Variants in BMP2K observed in about 807,000 individuals in gnomAD.
The protein encoded by BMP2K is BMP2 inducible kinase.
Under a neutral mutation model 116.0 loss-of-function variants are expected in BMP2K, and 74 were observed. The observed-to-expected ratio is 0.64, with a 90% confidence interval of 0.53 to 0.77. The LOEUF is 0.77. BMP2K is among the 30% of genes least tolerant of loss of function. BMP2K has a pLI of 0.00. For synonymous variants in BMP2K, 486 were observed against 502.5 expected (o/e 0.97, Z 0.44); for missense variants, 1,365 against 1,403.6 (o/e 0.97, Z 0.44).
intron 2 of BMP2K, among the ~76,000 whole-genome samples, chr4:78,829,786 T>TC (rs879592075): frequency 0.04 from 4,479 of 111,792 alleles, 88 homozygotes; most frequent in African/African-American, 0.055. Flanking sequence ...TTTTCTTTTC[T>TC]TTTCTCTTCT....
At chr4:78,849,133 T>C (rs949096236) in intron 6 of BMP2K, among the ~76,000 whole-genome samples, 1 of 151,376 alleles carries the variant, frequency 6.6e-6, no homozygotes, top group African/African-American at 2.4e-5. Flanking sequence ...GTTTCTGTTT[T>C]AGGTTATTAT....
chr4:78,826,252 A>G (rs1729868860), intron 2 of BMP2K, 97 bp downstream of exon 2: 1 of 910,136 alleles, frequency 1.1e-6, no homozygotes, highest in Non-Finnish European at 1.7e-6. Flanking sequence ...CCCAGGCTGG[A>G]GCGCAGTGGC....
intron 14 of BMP2K, 80 bp downstream of exon 14, chr4:78,878,971 G>C: frequency 1.3e-6 from 2 of 1,540,354 alleles, no homozygotes; most frequent in African/African-American, 1.4e-5. Context: ...AAAGACTTTT[G>C]AGAATGTGTA....
intron 1 of BMP2K, among the ~76,000 whole-genome samples, chr4:78,807,781 C>T (rs773222351): frequency 6.6e-6 from 1 of 151,946 alleles, no homozygotes; most frequent in African/African-American, 2.4e-5. Flanking sequence ...CCTTTTATAT[C>T]TAATTTGTTG....
intron 13 of BMP2K, among the ~76,000 whole-genome samples, chr4:78,876,192 G>T (rs1732621861): frequency 6.6e-6 from 1 of 152,064 alleles, no homozygotes; most frequent in East Asian, 1.9e-4. Flanking sequence ...AGTTCTAAAA[G>T]GAATGATTGA....
At chr4:78,825,860 A>C (rs1729843045) in intron 1 of BMP2K, among the ~76,000 whole-genome samples, 177 bp from the exon 2 acceptor site, 1 of 152,250 alleles carries the variant, frequency 6.6e-6, no homozygotes, top group Non-Finnish European at 1.5e-5. Context: ...GTACTACTTC[A>C]TGATTGACTT....
intron 7 of BMP2K, among the ~76,000 whole-genome samples, chr4:78,857,124 T>C (rs28719734): frequency 0.17 from 26,202 of 152,104 alleles, 4,606 homozygotes; most frequent in African/African-American, 0.45. Context: ...AATACACACA[T>C]GTAAACTGAA....
chr4:78,836,407 ACT>A (rs1176136258), intron 3 of BMP2K, among the ~76,000 whole-genome samples: 1 of 151,236 alleles, frequency 6.6e-6, no homozygotes, highest in African/African-American at 2.4e-5. Flanking sequence ...ACAGAGCGAG[ACT>A]CTGTCTCAAA....
At position 78,861,429 on chromosome 4, in the gene BMP2K, C is replaced by T. The variant is rs1477053836; in HGVS notation, c.1028C>T (p.Ala343Val). 6.2e-7 allele frequency: 1 copy of T among 1,608,378 alleles called. No individual in the cohort carries two copies. Among genetic ancestry groups the T allele is most frequent in the African/African-American group, 1.3e-5 (1 of 74,742 alleles). Reference protein sequence around the residue: ...IPSALPEPMTASEAAARKSQI... With the variant: ...IPSALPEPMTVSEAAARKSQI... ...TCAGCTCTTCCTGAACCGATGACTG[C>T]TAGTGAAGCAGCTGCTAGGAAAAGC... Residue 343 changes from alanine to valine, a missense_variant, in exon 9 of 16, where the codon GCT becomes GTT. This residue lies in a region of BMP2K where 762 missense variants were observed against 756.7 expected (regional missense o/e 1.01). Coordinates refer to ENST00000502613, the MANE Select transcript of BMP2K (RefSeq NM_198892.2).
intron 15 of BMP2K, among the ~76,000 whole-genome samples, chr4:78,906,950 T>G (rs1023004927): frequency 6.6e-6 from 1 of 152,168 alleles, no homozygotes; most frequent in African/African-American, 2.4e-5. Context: ...GTAGCTGTGT[T>G]AATTACCCAT....
intron 11 of BMP2K, among the ~76,000 whole-genome samples, chr4:78,871,396 T>C (rs1189636401): frequency 6.6e-6 from 1 of 152,204 alleles, no homozygotes; most frequent in African/African-American, 2.4e-5. Context: ...GGAAAGGTGA[T>C]ATTAGGCTTT....
intron 9 of BMP2K, 148 bp downstream of exon 9, chr4:78,861,616 A>C: frequency 3.0e-6 from 2 of 663,778 alleles, no homozygotes; most frequent in South Asian, 4.6e-5. Context: ...TGAGATAGCA[A>C]ATACAAAATA....
intron 1 of BMP2K, among the ~76,000 whole-genome samples, chr4:78,804,499 G>C (rs927016250): frequency 6.6e-6 from 1 of 152,000 alleles, no homozygotes; most frequent in Non-Finnish European, 1.5e-5. Context: ...TTAACTTTTT[G>C]AGGACCTACT....
intron 1 of BMP2K, among the ~76,000 whole-genome samples, chr4:78,787,327 ATAC>A (rs1727776590): frequency 6.6e-6 from 1 of 152,236 alleles, no homozygotes; most frequent in South Asian, 2.1e-4. Flanking sequence ...GGATGAAAAA[ATAC>A]TACCAGATTT....
At chr4:78,855,809 G>T (rs1307881995) in intron 7 of BMP2K, among the ~76,000 whole-genome samples, 1 of 152,116 alleles carries the variant, frequency 6.6e-6, no homozygotes, top group Non-Finnish European at 1.5e-5. Flanking sequence ...ACACTATTGA[G>T]TGAGCAGAGA....
chr4:78,894,896 A>G (rs1733625075), intron 15 of BMP2K, among the ~76,000 whole-genome samples: 1 of 152,146 alleles, frequency 6.6e-6, no homozygotes, highest in South Asian at 2.1e-4. Context: ...CCTAATTTCA[A>G]TATTGTTGTG....
chr4:78,816,766 A>T (rs1560512638), intron 1 of BMP2K, among the ~76,000 whole-genome samples: 1 of 146,610 alleles, frequency 6.8e-6, no homozygotes, highest in Non-Finnish European at 1.5e-5. Flanking sequence ...ATTCCCTCTT[A>T]TGGGAAATCA....
At chr4:78,798,068 T>C (rs780839343) in intron 1 of BMP2K, among the ~76,000 whole-genome samples, 108 of 152,274 alleles carry the variant, frequency 7.1e-4, no homozygotes, top group Non-Finnish European at 5.4e-4. Context: ...CCTCCTCCCT[T>C]GGCCTCCCAA....
Position 78,910,920 on chromosome 4 carries a change from T to C in BMP2K, c.2373T>C (p.Ser791=). The C allele has an allele frequency of 6.2e-7, 1 of 1,613,936 alleles. No individual in the cohort carries two copies. The highest frequency in any genetic ancestry group is 8.5e-7 in the Non-Finnish European group (1 of 1,179,856). Residue 791 remains serine (S), a synonymous_variant, in exon 16 of 16, where the codon TCT becomes TCC. Coordinates refer to ENST00000502613, the MANE Select transcript of BMP2K (RefSeq NM_198892.2). The part of the protein sequence containing the change: ...NLGHRPLLMD[S]EDEEEEEKHS... ...GTCATAGGCCTCTCCTCATGGATTCTGAAGATGAGGAAGAAGAGGAGAAAC... is the reference window on the plus strand; with the variant it reads ...GTCATAGGCCTCTCCTCATGGATTCCGAAGATGAGGAAGAAGAGGAGAAAC...
Sources: allele counts gnomAD v4.1 joint callset (sites outside exome capture counted in the v4.1 genomes callset), GRCh38; gene constraint gnomAD v4.1.1; regional missense constraint gnomAD v4.1.1; transcripts MANE v1.5; gene names NCBI Gene and HGNC (gene_info 2026-07-23, HGNC 2026-07-21).